ATG4C: variants seen among roughly 807,000 people sequenced by gnomAD.
The protein encoded by ATG4C is autophagy related 4C cysteine peptidase.
Under a neutral mutation model 57.6 loss-of-function variants are expected in ATG4C, and 56 were observed. That is an observed-to-expected ratio of 0.97 (90% CI 0.78 to 1.21). ATG4C has a LOEUF of 1.21. ATG4C is among the 50% of genes most tolerant of loss of function. The pLI is 0.00. For missense variants in ATG4C, 595 were observed against 529.8 expected, an observed-to-expected ratio of 1.12 and a Z score of -1.21; for synonymous variants, 157 against 174.1, an observed-to-expected ratio of 0.90 and a Z score of 0.78.
chr1:62,817,144 G>C (rs1665305606), intron 4 of ATG4C, among the ~76,000 whole-genome samples: 1 of 152,008 alleles, frequency 6.6e-6, no homozygotes, highest in South Asian at 2.1e-4. Context: ...GTTGAACTCT[G>C]GATTATCTCC....
rs1233671897 is a variant in ATG4C at position 62,805,257 on chromosome 1, T to G, written c.160+2T>G. 1.3e-6 allele frequency: 2 copies of G among 1,509,294 alleles called. No individual in the cohort carries two copies. Among genetic ancestry groups the G allele is most frequent in the Non-Finnish European group, 8.8e-7 (1 of 1,140,378 alleles). The allele number at this position is 1,509,294 out of a possible 1,614,324, so 93.5% of individuals were successfully genotyped here. A position where few individuals can be genotyped will look rare whatever the true frequency, so the allele number is the denominator to read the frequency against. On this transcript the variant is annotated splice_donor_variant, in intron 3 of 10. Coordinates refer to ENST00000317868, the MANE Select transcript of ATG4C (RefSeq NM_032852.4). LOFTEE classifies it high-confidence loss of function. ...AATGTTACCATTTTAAATATGAAGG[T>G]AAGTACAAAATTTGTAAACCATTTA...
chr1:62,811,904 T>G (rs1324757745), intron 3 of ATG4C, among the ~76,000 whole-genome samples: 3 of 152,158 alleles, frequency 2.0e-5, no homozygotes, highest in Admixed American at 2.0e-4. Flanking sequence ...ATAACAATGA[T>G]GAGAAAAAAA....
intron 1 of ATG4C, among the ~76,000 whole-genome samples, chr1:62,802,881 T>G (rs1434389368): frequency 1.3e-5 from 2 of 152,236 alleles, no homozygotes; most frequent in Non-Finnish European, 2.9e-5. Context: ...ATACATATTA[T>G]AAAATGGAAT....
intron 8 of ATG4C, 33 bp downstream of exon 8, chr1:62,834,149 GT>G: frequency 6.3e-7 from 1 of 1,588,914 alleles, no homozygotes; most frequent in South Asian, 1.1e-5. Context: ...TTTCTTCATT[GT>G]TTTCTTTTAA....
chr1:62,851,716 T>TA (rs936878353), intron 10 of ATG4C, among the ~76,000 whole-genome samples: 1 of 151,536 alleles, frequency 6.6e-6, no homozygotes, highest in Non-Finnish European at 1.5e-5. Flanking sequence ...ACCGAACATT[T>TA]AAAAAAAATA....
chr1:62,831,729 G>A (rs1405119601), intron 7 of ATG4C, among the ~76,000 whole-genome samples: 1 of 152,090 alleles, frequency 6.6e-6, no homozygotes, highest in South Asian at 2.1e-4. Flanking sequence ...GCTCTTTTAG[G>A]AACTGAAAAG....
chr1:62,838,359 T>C (rs1666060587), intron 9 of ATG4C, among the ~76,000 whole-genome samples: 1 of 152,170 alleles, frequency 6.6e-6, no homozygotes, highest in Non-Finnish European at 1.5e-5. Context: ...GCTCAAAAAT[T>C]ATCACGAAGT....
chr1:62,847,693 G>A (rs1273637205), intron 10 of ATG4C, among the ~76,000 whole-genome samples: 2 of 152,162 alleles, frequency 1.3e-5, no homozygotes, highest in Non-Finnish European at 2.9e-5. Flanking sequence ...CCATGAATTA[G>A]GAGTAGGTAA....
At chr1:62,822,134 G>A (rs897037042) in intron 6 of ATG4C, among the ~76,000 whole-genome samples, 4 of 152,090 alleles carry the variant, frequency 2.6e-5, no homozygotes, top group African/African-American at 7.2e-5. Context: ...TGTTAACAAT[G>A]ATAAAATATG....
At position 62,803,746 on chromosome 1, in the gene ATG4C, A is replaced by G; in HGVS notation, c.-41A>G. The G allele has an allele frequency of 7.2e-7, 1 of 1,390,408 alleles. No homozygotes were observed. The highest frequency in any genetic ancestry group is 1.4e-5 in the African/African-American group (1 of 68,974). The allele number at this position is 1,390,408 out of a possible 1,614,324, so 86.1% of individuals were successfully genotyped here. ...AGTATAAAAGATTAAACTCTACAGA[A>G]GAATGCAATCAAGTGATGGCTTTTC... On this transcript the variant is annotated 5_prime_UTR_variant, in exon 2 of 11. Transcript: ENST00000317868.
At chr1:62,784,591 CCCT>C (rs1270331482) in intron 1 of ATG4C, among the ~76,000 whole-genome samples, 1 of 152,066 alleles carries the variant, frequency 6.6e-6, no homozygotes, top group Non-Finnish European at 1.5e-5. Context: ...TCCATTTGAC[CCCT>C]CCTCATGCCA....
At chr1:62,846,543 C>G (rs1047967702) in intron 10 of ATG4C, among the ~76,000 whole-genome samples, 2 of 152,176 alleles carry the variant, frequency 1.3e-5, no homozygotes, top group African/African-American at 4.8e-5. Flanking sequence ...CCTTATACAT[C>G]TGGCGTACGT....
chr1:62,814,435 G>A (rs1011372374), intron 3 of ATG4C, among the ~76,000 whole-genome samples: 2 of 152,080 alleles, frequency 1.3e-5, no homozygotes, highest in African/African-American at 4.8e-5. Context: ...TCACACACCA[G>A]GGCCTGTCAG....
At chr1:62,844,666 A>G (rs1365813706) in intron 10 of ATG4C, among the ~76,000 whole-genome samples, 1 of 152,112 alleles carries the variant, frequency 6.6e-6, no homozygotes, top group Non-Finnish European at 1.5e-5. Context: ...AAAGTTATAT[A>G]TATAATTAAT....
At chr1:62,800,198 T>A (rs1014555490) in intron 1 of ATG4C, among the ~76,000 whole-genome samples, 3 of 152,200 alleles carry the variant, frequency 2.0e-5, no homozygotes, top group African/African-American at 7.2e-5. Flanking sequence ...GCCTTCTTTC[T>A]TTCAGACTTA....
At chr1:62,798,790 A>G (rs375605792) in intron 1 of ATG4C, among the ~76,000 whole-genome samples, 1 of 152,088 alleles carries the variant, frequency 6.6e-6, no homozygotes, top group East Asian at 1.9e-4. Context: ...GATTACAGGC[A>G]TGCACCACCA....
chr1:62,834,061 T>C lies in ATG4C; in HGVS notation c.957T>C (p.Cys319=), dbSNP rs1665921657. The C allele has an allele frequency of 6.2e-7, 1 of 1,612,264 alleles. No individual in the cohort carries two copies. The stretch of plus-strand genomic sequence containing the variant: ...AGGGTATTTTAAGCCTGGAATATTG[T>C]GTGGGTATTATTGGTGGCAAACCTA... ...FVKGILSLEY[C]VGIIGGKPKQ... Residue 319 remains cysteine (C), a synonymous_variant, in exon 8 of 11, where the codon TGT becomes TGC. Coordinates refer to ENST00000317868, the MANE Select transcript of ATG4C (RefSeq NM_032852.4).
At chr1:62,786,411 GT>G (rs543830082) in intron 1 of ATG4C, among the ~76,000 whole-genome samples, 2 of 151,850 alleles carry the variant, frequency 1.3e-5, no homozygotes, top group Non-Finnish European at 2.9e-5. Flanking sequence ...TTACGGGAGT[GT>G]TTTAGAATGT....
intron 7 of ATG4C, among the ~76,000 whole-genome samples, chr1:62,833,380 TAAATAGAGTTCTGCTTAGAA>T (rs1462284013): frequency 6.6e-6 from 1 of 152,168 alleles, no homozygotes; most frequent in African/African-American, 2.4e-5. Context: ...TGGCCTAACT[TAAATAGAGTTCTGCTTAGAA>T]TAGATTGCTG....
Sources: allele counts gnomAD v4.1 joint callset (sites outside exome capture counted in the v4.1 genomes callset), GRCh38; gene constraint gnomAD v4.1.1; transcripts MANE v1.5; gene names NCBI Gene and HGNC (gene_info 2026-07-23, HGNC 2026-07-21).